EPB41L5: variants seen among roughly 807,000 people sequenced by gnomAD.
EPB41L5 encodes erythrocyte membrane protein band 4.1 like 5.
In EPB41L5, 55 loss-of-function variants were observed where a neutral mutation model predicts 106.6. That is an observed-to-expected ratio of 0.52 (90% CI 0.42 to 0.65). EPB41L5 has a LOEUF of 0.65. Ranked by LOEUF, EPB41L5 falls within the 30% of genes least tolerant of loss-of-function variation. EPB41L5 has a pLI of 0.00. For synonymous variants in EPB41L5, 297 were observed against 306.7 expected (o/e 0.97, Z 0.33); for missense variants, 871 against 882.1 (o/e 0.99, Z 0.16).
At chr2:120,104,865 G>A (rs897055787) in intron 16 of EPB41L5, 1 of 976,284 alleles carries the variant, frequency 1.0e-6, no homozygotes, top group African/African-American at 1.7e-5. Flanking sequence ...CATGTATAGA[G>A]AAATCTGAAT....
At chr2:120,053,253 T>G (rs1680409390) in intron 3 of EPB41L5, among the ~76,000 whole-genome samples, 1 of 152,154 alleles carries the variant, frequency 6.6e-6, no homozygotes, top group African/African-American at 2.4e-5. Context: ...AGTAGGAAGC[T>G]TAAAGAGAAG....
At chr2:120,053,570 T>C (rs1327216463) in intron 3 of EPB41L5, among the ~76,000 whole-genome samples, 1 of 152,214 alleles carries the variant, frequency 6.6e-6, no homozygotes, top group African/African-American at 2.4e-5. Context: ...TTCATTTGAA[T>C]GGAATCATGT....
chr2:120,106,249 G>A (rs1181175945), intron 16 of EPB41L5: 19 of 985,244 alleles, frequency 1.9e-5, no homozygotes, highest in Non-Finnish European at 2.2e-5. Flanking sequence ...TGGAGGCAGC[G>A]ATAGGGGTGA....
chr2:120,167,881 G>T lies in EPB41L5; in HGVS notation c.2009G>T (p.Ser670Ile). 1 of 1,614,154 alleles carries T rather than the reference G, an allele frequency of 6.2e-7. No individual in the cohort carries two copies. Among genetic ancestry groups the T allele is most frequent in the Non-Finnish European group, 8.5e-7 (1 of 1,180,014 alleles). The part of the protein sequence containing the change: ...MITPRWIVPQ[S>I]GAMSNGLAGC... ...TTGTGTGTGTATCTCCCACAGCAGA[G>T]TGGTGCCATGTCTAATGGACTTGCG... Residue 670 changes from serine (S) to isoleucine (I), a missense_variant, in exon 24 of 25, where the codon AGT (serine) becomes ATT (isoleucine). Coordinates refer to ENST00000263713, the MANE Select transcript of EPB41L5 (RefSeq NM_020909.4).
rs1478989768 is a variant in EPB41L5, at chr2:120,167,897, T to C, written c.2025T>C (p.Asn675=). The part of the protein sequence containing the change: ...WIVPQSGAMS[N]GLAGCEMLLT... The stretch of plus-strand genomic sequence containing the variant: ...CACAGCAGAGTGGTGCCATGTCTAA[T>C]GGACTTGCGGGATGTGAAATGCTTT... Residue 675 remains asparagine (N), a synonymous_variant, in exon 24 of 25, where the codon AAT becomes AAC. Coordinates refer to ENST00000263713, the MANE Select transcript of EPB41L5 (RefSeq NM_020909.4). 1 of 1,614,172 alleles carries C rather than the reference T, an allele frequency of 6.2e-7. No individual in the cohort carries two copies. Among genetic ancestry groups the C allele is most frequent in the South Asian group, 1.1e-5 (1 of 91,084 alleles).
At chr2:120,129,447 C>T (rs1002593305) in intron 17 of EPB41L5, among the ~76,000 whole-genome samples, 10 of 152,142 alleles carry the variant, frequency 6.6e-5, no homozygotes, top group Non-Finnish European at 1.2e-4. Flanking sequence ...CAGCCAGAAC[C>T]ATGACTATCT....
rs879690343 is a variant in EPB41L5, at chr2:120,074,260, C to T, written c.407+82C>T. 1.9e-4 allele frequency: 196 copies of T among 1,051,498 alleles called. No homozygotes were observed. In the Middle Eastern group the frequency reaches 2.8e-3, roughly 15 times the overall value. 65.1% of individuals were successfully genotyped at this position (1,051,498 alleles called of 1,614,324 possible). Reference sequence around the variant, plus strand: ...CTTTATATTGTTTCCAATTTATAGCCAGCTAATAAAATGGATTCCTGTCCC... The same window carrying T: ...CTTTATATTGTTTCCAATTTATAGCTAGCTAATAAAATGGATTCCTGTCCC... On this transcript the variant is annotated intron_variant, in intron 5 of 24. Coordinates refer to ENST00000263713, the MANE Select transcript of EPB41L5 (RefSeq NM_020909.4).
intron 22 of EPB41L5, among the ~76,000 whole-genome samples, chr2:120,166,542 A>T (rs914238369): frequency 5.9e-5 from 9 of 151,828 alleles, no homozygotes; most frequent in African/African-American, 2.2e-4. Context: ...CCTCCAAGCG[A>T]TTCTCCTGCC....
chr2:120,171,352 A>T (rs917235134), intron 24 of EPB41L5, among the ~76,000 whole-genome samples: 1 of 152,232 alleles, frequency 6.6e-6, no homozygotes, highest in Non-Finnish European at 1.5e-5. Context: ...TGGAGCTGAG[A>T]ATATGGGGAT....
intron 2 of EPB41L5, among the ~76,000 whole-genome samples, chr2:120,036,361 C>G (rs995925755): frequency 1.3e-5 from 2 of 152,168 alleles, no homozygotes; most frequent in Non-Finnish European, 2.9e-5. Context: ...TGTTAGGGCT[C>G]TCCTCCCTAG....
chr2:120,063,106 G>C (rs1448692461), intron 3 of EPB41L5, among the ~76,000 whole-genome samples: 2 of 152,098 alleles, frequency 1.3e-5, no homozygotes, highest in Non-Finnish European at 2.9e-5. Context: ...TTGGAAGGCT[G>C]AGGTGGGCAG....
chr2:120,050,012 A>G (rs1046087298), intron 3 of EPB41L5, among the ~76,000 whole-genome samples: 2 of 152,140 alleles, frequency 1.3e-5, no homozygotes, highest in Non-Finnish European at 2.9e-5. Flanking sequence ...TCTGGCTTGT[A>G]GAGTTTCTGC....
chr2:120,075,592 T>C (rs771935074), intron 6 of EPB41L5, 72 bp downstream of exon 6: 2 of 1,423,212 alleles, frequency 1.4e-6, no homozygotes, highest in East Asian at 2.3e-5. Flanking sequence ...AAAATAAGTT[T>C]ATAGTTGTAA....
intron 20 of EPB41L5, among the ~76,000 whole-genome samples, chr2:120,154,709 G>A (rs986334941): frequency 1.6e-4 from 24 of 151,996 alleles, no homozygotes; most frequent in Admixed American, 2.6e-4. Flanking sequence ...GGCAGATCAC[G>A]AGGTCAGGAG....
At chr2:120,174,089 G>A (rs182664443) in intron 24 of EPB41L5, among the ~76,000 whole-genome samples, 1 of 152,140 alleles carries the variant, frequency 6.6e-6, no homozygotes, top group African/African-American at 2.4e-5. Flanking sequence ...GCCCATGAGG[G>A]CTTCTTTTTC....
intron 5 of EPB41L5, 22 bp downstream of exon 5, chr2:120,074,200 G>C (rs372973274): frequency 4.8e-5 from 75 of 1,559,770 alleles, no homozygotes; most frequent in Non-Finnish European, 6.1e-5. Context: ...ATCTAGAATT[G>C]TGCCAGGGTT....
chr2:120,026,558 G>A (rs1381925664), intron 2 of EPB41L5, among the ~76,000 whole-genome samples: 4 of 152,072 alleles, frequency 2.6e-5, no homozygotes, highest in South Asian at 2.1e-4. Context: ...TAGTAGAGAC[G>A]GGATTTCACC....
intron 18 of EPB41L5, among the ~76,000 whole-genome samples, chr2:120,135,484 A>G (rs1436324318): frequency 6.6e-6 from 1 of 152,228 alleles, no homozygotes; most frequent in African/African-American, 2.4e-5. Context: ...GGACTACCTC[A>G]AGATATTGAA....
intron 17 of EPB41L5, 104 bp from the exon 18 acceptor site, chr2:120,131,514 A>G (rs1685686451): frequency 1.4e-6 from 1 of 694,064 alleles, no homozygotes; most frequent in Non-Finnish European, 2.6e-6. Flanking sequence ...CTTTTAGTTG[A>G]TGATAACTGA....
Sources: allele counts gnomAD v4.1 joint callset (sites outside exome capture counted in the v4.1 genomes callset), GRCh38; gene constraint gnomAD v4.1.1; transcripts MANE v1.5; gene names NCBI Gene and HGNC (gene_info 2026-07-23, HGNC 2026-07-21).